The following ITGAV variants were observed in gnomAD, a reference collection of about 807,000 sequenced individuals.
The protein encoded by ITGAV is integrin subunit alpha V, also known as integrin alpha-V.
In ITGAV, 76 loss-of-function variants were observed where a neutral mutation model predicts 143.8. That is an observed-to-expected ratio of 0.53 (90% CI 0.44 to 0.64). ITGAV has a LOEUF of 0.64. Among genes scored for constraint, ITGAV ranks in the 30% least tolerant of loss-of-function variants. The pLI is 0.00. For synonymous variants in ITGAV, 453 were observed against 446.7 expected, an observed-to-expected ratio of 1.01 and a Z score of -0.18; for missense variants, 1,193 against 1,274.7, an observed-to-expected ratio of 0.94 and a Z score of 0.98.
chr2:186,591,010 C>G (rs1379640155), intron 1 of ITGAV, among the ~76,000 whole-genome samples: 1 of 152,198 alleles, frequency 6.6e-6, no homozygotes, highest in Non-Finnish European at 1.5e-5. Flanking sequence ...CTGTCTGATT[C>G]TGTTTCTCCT....
intron 1 of ITGAV, among the ~76,000 whole-genome samples, chr2:186,598,742 T>G (rs1054394586): frequency 2.0e-5 from 3 of 152,172 alleles, no homozygotes; most frequent in Non-Finnish European, 4.4e-5. Context: ...TTTTTTCTTA[T>G]GAAAGACTTT....
At chr2:186,649,439 T>C (rs998750441) in intron 13 of ITGAV, among the ~76,000 whole-genome samples, 7 of 152,060 alleles carry the variant, frequency 4.6e-5, no homozygotes, top group African/African-American at 1.4e-4. Context: ...CTATCTGCTA[T>C]AGTATTTTAT....
At position 186,675,844 on chromosome 2, in the gene ITGAV, T is replaced by G. The variant is rs202153093; in HGVS notation, c.2845T>G (p.Ser949Ala). Residue 949 changes from serine (S) to alanine (A), a missense_variant, in exon 28 of 30, where the codon TCT (serine) becomes GCT (alanine). By Grantham distance (99) the Ser-to-Ala change is moderately conservative. Coordinates refer to ENST00000261023, the MANE Select transcript of ITGAV (RefSeq NM_002210.5). ...GAAAGAAAATCAGAATCATTCCTAT[T>G]CTCTGAAGTCGTCTGCTTCATTTAA... Reference protein sequence around the residue: ...MNKENQNHSYSLKSSASFNVI... With the variant: ...MNKENQNHSYALKSSASFNVI... 7.5e-6 allele frequency: 12 copies of G among 1,606,466 alleles called. No homozygotes were observed. In the East Asian group the frequency reaches 2.7e-4, roughly 36 times the overall value.
In ITGAV at chr2:186,677,427, G is replaced by A. The variant is rs1689246045; in HGVS notation, c.*135G>A. ...TGCTAATTGGCATTAACCACAAAAT[G>A]AGAATTATATTTGTCAACCTTCTCC... On this transcript the variant is annotated 3_prime_UTR_variant, in exon 30 of 30. Transcript: ENST00000261023. The A allele has an allele frequency of 3.1e-6, 2 of 636,380 alleles. No homozygotes were observed. The highest frequency in any genetic ancestry group is 5.6e-6 in the Non-Finnish European group (2 of 357,304). 39.4% of individuals were successfully genotyped at this position (636,380 alleles called of 1,614,324 possible). A position where few individuals can be genotyped will look rare whatever the true frequency, so the allele number is the denominator to read the frequency against.
At chr2:186,668,201 TATATATATATATATA>T (rs1336042588) in intron 24 of ITGAV, among the ~76,000 whole-genome samples, 1 of 17,686 alleles carries the variant, frequency 5.7e-5, no homozygotes, top group Non-Finnish European at 1.6e-4. Context: ...TATATATATA[TATATATATATATATA>T]TTTTTTTTTT....
In ITGAV at chr2:186,678,963, A is replaced by T. The variant is rs1236127213; in HGVS notation, c.*1671A>T. ...GGAGCACATTTAGTTGAGGTATACAAGGTAGGACTCTAGACAAAACCTTCT... is the reference window on the plus strand; with the variant it reads ...GGAGCACATTTAGTTGAGGTATACATGGTAGGACTCTAGACAAAACCTTCT... On this transcript the variant is annotated 3_prime_UTR_variant, in exon 30 of 30. Coordinates refer to ENST00000261023, the MANE Select transcript of ITGAV (RefSeq NM_002210.5). 9.4e-6 allele frequency: 3 copies of T among 320,372 alleles called. No individual in the cohort carries two copies. The highest frequency in any genetic ancestry group is 1.8e-5 in the Non-Finnish European group (3 of 164,988). The allele number at this position is 320,372 out of a possible 1,614,324, so 19.8% of individuals were successfully genotyped here.
intron 1 of ITGAV, among the ~76,000 whole-genome samples, chr2:186,595,596 T>C (rs779592836): frequency 3.3e-5 from 5 of 151,996 alleles, no homozygotes; most frequent in Non-Finnish European, 5.9e-5. Flanking sequence ...TCTCCCAAAC[T>C]CAATCCTTTA....
chr2:186,606,096 A>G (rs1200847894), intron 2 of ITGAV, among the ~76,000 whole-genome samples: 4 of 152,152 alleles, frequency 2.6e-5, no homozygotes, highest in Non-Finnish European at 5.9e-5. Flanking sequence ...GCCACATTAA[A>G]CTATATGGTA....
At chr2:186,647,451 G>T (rs745513509) in intron 13 of ITGAV, among the ~76,000 whole-genome samples, 1 of 152,034 alleles carries the variant, frequency 6.6e-6, no homozygotes, top group African/African-American at 2.4e-5. Flanking sequence ...GCCCAGGCTG[G>T]TCTTGAACTC....
intron 13 of ITGAV, 98 bp from the exon 14 acceptor site, chr2:186,649,742 G>T (rs1321394486): frequency 2.5e-6 from 2 of 790,372 alleles, no homozygotes; most frequent in Admixed American, 3.3e-5. Context: ...TTGAGAATTT[G>T]TTCAAACCTT....
chr2:186,622,661 G>A (rs1446627351), intron 3 of ITGAV, among the ~76,000 whole-genome samples: 1 of 152,064 alleles, frequency 6.6e-6, no homozygotes, highest in Non-Finnish European at 1.5e-5. Context: ...TGTTTTACCT[G>A]CCCCACTTGA....
At chr2:186,603,777 T>C (rs1686979060) in intron 2 of ITGAV, among the ~76,000 whole-genome samples, 1 of 152,206 alleles carries the variant, frequency 6.6e-6, no homozygotes, top group Non-Finnish European at 1.5e-5. Context: ...AAATAACATT[T>C]GCACATGGTA....
intron 26 of ITGAV, among the ~76,000 whole-genome samples, chr2:186,672,066 C>T (rs1041371554): frequency 2.6e-5 from 4 of 151,764 alleles, no homozygotes; most frequent in African/African-American, 9.7e-5. Flanking sequence ...ATTCTCCTGC[C>T]TCAGCCTCCC....
At chr2:186,604,627 C>T (rs1186620323) in intron 2 of ITGAV, among the ~76,000 whole-genome samples, 2 of 152,106 alleles carry the variant, frequency 1.3e-5, no homozygotes, top group Non-Finnish European at 2.9e-5. Flanking sequence ...CCATGGCAAC[C>T]TCATTTATTA....
intron 8 of ITGAV, among the ~76,000 whole-genome samples, chr2:186,637,437 C>T (rs987936657): frequency 4.1e-5 from 6 of 147,668 alleles, no homozygotes; most frequent in African/African-American, 7.5e-5. Context: ...GTTGTGATTG[C>T]GCCACTGCAC....
chr2:186,614,195 G>A (rs1687291752), intron 2 of ITGAV, among the ~76,000 whole-genome samples: 1 of 151,990 alleles, frequency 6.6e-6, no homozygotes, highest in Non-Finnish European at 1.5e-5. Context: ...GTCCATTGAT[G>A]AAAATATGAG....
At chr2:186,675,232 G>C (rs1052167427) in intron 26 of ITGAV, among the ~76,000 whole-genome samples, 1 of 152,164 alleles carries the variant, frequency 6.6e-6, no homozygotes, top group Non-Finnish European at 1.5e-5. Flanking sequence ...TGGGGATGTT[G>C]AGATCTGGTT....
chr2:186,603,708 T>C (rs1339943416), intron 2 of ITGAV, among the ~76,000 whole-genome samples: 2 of 152,212 alleles, frequency 1.3e-5, no homozygotes, highest in African/African-American at 2.4e-5. Context: ...TACTTAACAC[T>C]GTAGGTTTTT....
intron 16 of ITGAV, among the ~76,000 whole-genome samples, chr2:186,655,105 A>G (rs1688546757): frequency 6.6e-6 from 1 of 152,178 alleles, no homozygotes; most frequent in African/African-American, 2.4e-5. Context: ...TGGTTTAGAA[A>G]TAGTGAGAAG....
Sources: gnomAD v4.1 joint callset for allele counts (sites outside exome capture counted in the v4.1 genomes callset) on GRCh38, gnomAD v4.1.1 for gene constraint, MANE v1.5 for transcripts, NCBI Gene and HGNC (gene_info 2026-07-23, HGNC 2026-07-21) for gene names.